Variants in MTFR1 observed in about 807,000 individuals in gnomAD.
The protein encoded by MTFR1 is mitochondrial fission regulator 1.
MTFR1 carries 28 observed loss-of-function variants against 38.8 expected under a neutral mutation model. The ratio of observed to expected loss-of-function variants is 0.72; its 90% CI spans 0.53 to 0.99. MTFR1 has a LOEUF of 0.99. Ranked by LOEUF, MTFR1 falls within the 50% of genes least tolerant of loss-of-function variation. MTFR1 has a pLI of 0.00. For synonymous variants in MTFR1, 145 were observed against 137.0 expected, an observed-to-expected ratio of 1.06 and a Z score of -0.41; for missense variants, 358 against 395.5, an observed-to-expected ratio of 0.91 and a Z score of 0.81.
chr8:65,675,970 G>A (rs1308674988), intron 2 of MTFR1, among the ~76,000 whole-genome samples: 1 of 152,180 alleles, frequency 6.6e-6, no homozygotes, highest in Non-Finnish European at 1.5e-5. Flanking sequence ...TTTTATATTG[G>A]AAGAAAAGTT....
intron 3 of MTFR1, among the ~76,000 whole-genome samples, chr8:65,745,870 G>A (rs1807649002): frequency 6.6e-6 from 1 of 151,852 alleles, no homozygotes; most frequent in African/African-American, 2.4e-5. Flanking sequence ...CTGTATTCCA[G>A]GTACTGTTAT....
rs943367083 is a variant in MTFR1 at position 65,662,503 on chromosome 8, C to T, written c.-80-7370C>T. 2.2e-4 allele frequency among the ~76,000 whole-genome samples: 33 copies of T among 149,156 alleles called. 3 individuals carry two copies. The highest frequency in any genetic ancestry group is 4.2e-4 in the Non-Finnish European group (28 of 66,660). On this transcript the variant is annotated intron_variant, in intron 1 of 7. Transcript: ENST00000262146. ...CCCCCCAAAGTGCGGAGATTGCAGCCTCTGCCCGGCCGCCACCCCGTCTGG... is the reference window on the plus strand; with the variant it reads ...CCCCCCAAAGTGCGGAGATTGCAGCTTCTGCCCGGCCGCCACCCCGTCTGG...
intron 3 of MTFR1, chr8:65,723,201 T>C (rs542776320): frequency 3.8e-5 from 6 of 158,094 alleles, no homozygotes; most frequent in African/African-American, 1.4e-4. Context: ...TTTATTTATT[T>C]TATTTTTGTC....
At chr8:65,712,976 C>T (rs1463003922), downstream of MTFR1, among the ~76,000 whole-genome samples, 1 of 152,156 alleles carries the variant, frequency 6.6e-6, no homozygotes, top group Non-Finnish European at 1.5e-5. Flanking sequence ...TACTTCAAAT[C>T]TGTGTTCCGA....
chr8:65,696,972 T>G (rs1257714077), intron 4 of MTFR1, among the ~76,000 whole-genome samples: 1 of 147,340 alleles, frequency 6.8e-6, no homozygotes, highest in Non-Finnish European at 1.5e-5. Context: ...ATATGTAACC[T>G]TTTGGGACTG....
intron 3 of MTFR1, chr8:65,727,408 C>T: frequency 6.7e-7 from 1 of 1,487,314 alleles, no homozygotes; most frequent in Non-Finnish European, 9.0e-7. Context: ...GTAATCTCCT[C>T]CCCCTTCACG....
At chr8:65,699,420 C>T (rs1805546210) in intron 4 of MTFR1, among the ~76,000 whole-genome samples, 1 of 152,204 alleles carries the variant, frequency 6.6e-6, no homozygotes. Flanking sequence ...TCTTCATATT[C>T]CTTTCCACAG....
intron 3 of MTFR1, among the ~76,000 whole-genome samples, chr8:65,684,660 C>T (rs1805016369): frequency 6.6e-6 from 1 of 151,634 alleles, no homozygotes; most frequent in Non-Finnish European, 1.5e-5. Flanking sequence ...GCTGGGATTA[C>T]AGGCGTGAGC....
Position 65,669,899 on chromosome 8 carries a change from T to A in MTFR1, c.-54T>A. 2 of 1,379,644 alleles carry A rather than the reference T, an allele frequency of 1.4e-6. No homozygotes were observed. The highest frequency in any genetic ancestry group is 1.0e-6 in the Non-Finnish European group (1 of 978,284). 85.5% of individuals were successfully genotyped at this position (1,379,644 alleles called of 1,614,324 possible). A position where few individuals can be genotyped will look rare whatever the true frequency, so the allele number is the denominator to read the frequency against. ...GTGTTTTATGGACCATGTGCTGCTATGTATGCCTGAAGAAGTACTTGAAAT... is the reference window on the plus strand; with the variant it reads ...GTGTTTTATGGACCATGTGCTGCTAAGTATGCCTGAAGAAGTACTTGAAAT... On this transcript the variant is annotated 5_prime_UTR_variant, in exon 2 of 8. It removes an upstream start codon present in the reference 5' UTR. Coordinates refer to ENST00000262146, the MANE Select transcript of MTFR1 (RefSeq NM_014637.4).
At chr8:65,763,013 G>A (rs1275699892) in intron 3 of MTFR1, among the ~76,000 whole-genome samples, 1 of 150,920 alleles carries the variant, frequency 6.6e-6, no homozygotes, top group East Asian at 2.0e-4. Context: ...GTGTGTGTGT[G>A]TGTGTGTGTG....
intron 3 of MTFR1, among the ~76,000 whole-genome samples, chr8:65,770,062 G>C (rs953840215): frequency 4.0e-5 from 6 of 151,794 alleles, no homozygotes; most frequent in African/African-American, 1.2e-4. Flanking sequence ...ATAGTATAAA[G>C]AACACTCTAT....
chr8:65,698,183 C>CT (rs1200287224), intron 4 of MTFR1, among the ~76,000 whole-genome samples: 1 of 144,736 alleles, frequency 6.9e-6, no homozygotes, highest in Non-Finnish European at 1.5e-5. Context: ...GGATCTGGCT[C>CT]TGTCACCCGG....
chr8:65,685,238 G>A (rs1448961013), intron 3 of MTFR1, among the ~76,000 whole-genome samples: 6 of 152,144 alleles, frequency 3.9e-5, no homozygotes, highest in Non-Finnish European at 8.8e-5. Flanking sequence ...AGTCCAATGT[G>A]GGTAAATATT....
At chr8:65,662,052 T>TCCCTCTCTCTCA (rs1809437586) in intron 1 of MTFR1, among the ~76,000 whole-genome samples, 1 of 67,746 alleles carries the variant, frequency 1.5e-5, no homozygotes, top group Non-Finnish European at 3.0e-5. Flanking sequence ...CCTCTCTCTC[T>TCCCTCTCTCTCA]CCCTCTCTCT....
intron 3 of MTFR1, chr8:65,682,805 C>A: frequency 1.0e-6 from 1 of 985,198 alleles, no homozygotes; most frequent in Non-Finnish European, 1.2e-6. Flanking sequence ...ATACCTTCCT[C>A]TTTGGATAGC....
chr8:65,681,674 T>TG (rs1804896917), intron 2 of MTFR1, among the ~76,000 whole-genome samples: 1 of 150,116 alleles, frequency 6.7e-6, no homozygotes, highest in Non-Finnish European at 1.5e-5. Context: ...TGTTTTTGTT[T>TG]TTTTTTTTTT....
At chr8:65,747,805 T>A in intron 3 of MTFR1, 1 of 1,596,478 alleles carries the variant, frequency 6.3e-7, no homozygotes, top group South Asian at 1.1e-5. Context: ...CAGATTGAGC[T>A]GAAATAAAAA....
chr8:65,664,628 T>C (rs979198217), intron 1 of MTFR1, among the ~76,000 whole-genome samples: 40 of 149,742 alleles, frequency 2.7e-4, no homozygotes, highest in South Asian at 1.0e-3. Flanking sequence ...TTTTTTTTTT[T>C]CTCCATCTCC....
At chr8:65,677,266 C>T (rs1408796063) in intron 2 of MTFR1, among the ~76,000 whole-genome samples, 4 of 150,198 alleles carry the variant, frequency 2.7e-5, no homozygotes, top group African/African-American at 9.8e-5. Flanking sequence ...GACGGGGTTT[C>T]GCCACATTGG....
Sources: gnomAD v4.1 joint callset for allele counts (sites outside exome capture counted in the v4.1 genomes callset) on GRCh38, gnomAD v4.1.1 for gene constraint, MANE v1.5 for transcripts, NCBI Gene and HGNC (gene_info 2026-07-23, HGNC 2026-07-21) for gene names.